Variants in ANKRD55 observed in about 807,000 individuals in gnomAD.
The protein encoded by ANKRD55 is ankyrin repeat domain 55.
Under a neutral mutation model 60.6 loss-of-function variants are expected in ANKRD55, and 41 were observed. The observed-to-expected ratio is 0.68, with a 90% CI of 0.53 to 0.88. The LOEUF is 0.88. ANKRD55 is among the 40% of genes least tolerant of loss of function. The pLI, the probability that ANKRD55 is intolerant of heterozygous loss-of-function variation, is 0.00. For synonymous variants in ANKRD55, 264 were observed against 290.3 expected, an observed-to-expected ratio of 0.91 and a Z score of 0.92; for missense variants, 732 against 767.6, an observed-to-expected ratio of 0.95 and a Z score of 0.55.
Position 56,134,336 on chromosome 5 carries a change from G to A in ANKRD55, c.613-7230C>T, listed in dbSNP as rs572362141. Among the ~76,000 whole-genome samples the A allele has an allele frequency of 3.5e-4, 40 of 115,088 alleles. 10 individuals carry two copies. The South Asian group carries it at 0.011, about 31-fold the overall frequency. 75.5% of individuals were successfully genotyped at this position (115,088 alleles called of 152,430 possible). ...CTTACGCCTGTTATCCCAGCACTTT[G>A]GGAGGCCGAGACAGGTGGATCACCT... On this transcript the variant is annotated intron_variant, in intron 7 of 11. Transcript: ENST00000341048.
chr5:56,148,720 T>C (rs543824987), intron 6 of ANKRD55, among the ~76,000 whole-genome samples: 4 of 152,060 alleles, frequency 2.6e-5, no homozygotes, highest in African/African-American at 9.6e-5. Flanking sequence ...GCTTAGCAGG[T>C]TTCATGTTTC....
intron 2 of ANKRD55, among the ~76,000 whole-genome samples, chr5:56,197,615 T>C (rs1035890486): frequency 2.0e-5 from 3 of 152,214 alleles, no homozygotes; most frequent in African/African-American, 7.2e-5. Context: ...TTTAGTATGG[T>C]TTTAAAACAT....
Position 56,111,252 on chromosome 5 carries a change from T to G in ANKRD55, c.1496A>C (p.Asn499Thr), listed in dbSNP as rs1215972833. 1 of 1,613,692 alleles carries G rather than the reference T, an allele frequency of 6.2e-7. No individual in the cohort carries two copies. The highest frequency in any genetic ancestry group is 8.5e-7 in the Non-Finnish European group (1 of 1,179,680). ...CCAAACTTTGTAGGAAAATACCTGA[T>G]TAGAATCACTCTTCCAGGGGTTATC... ...LLDNPWKSDS[N>T]QVFSYKVWTV... The change falls in exon 10 of 12, where the codon AAT becomes ACT. Residue 499 changes from asparagine (N) to threonine (T), a missense_variant. By Grantham distance (65) the Asn-to-Thr change is moderately conservative (BLOSUM62 0). Coordinates refer to ENST00000341048, the MANE Select transcript of ANKRD55 (RefSeq NM_024669.3).
At chr5:56,146,836 T>C (rs578235847) in intron 6 of ANKRD55, 1 of 152,356 alleles carries the variant, frequency 6.6e-6, no homozygotes, top group East Asian at 1.9e-4. Flanking sequence ...AGGGTGGTTC[T>C]GGCCATAGAC....
chr5:56,224,508 A>G (rs1048477075), intron 2 of ANKRD55, among the ~76,000 whole-genome samples: 1 of 152,186 alleles, frequency 6.6e-6, no homozygotes, highest in African/African-American at 2.4e-5. Flanking sequence ...TGAAGGAGAT[A>G]GAGACACAAA....
At chr5:56,137,125 A>G in intron 7 of ANKRD55, 2 of 1,256,178 alleles carry the variant, frequency 1.6e-6, no homozygotes, top group East Asian at 4.6e-5. Context: ...TATCTGAAAG[A>G]TGTCACTTTA....
chr5:56,151,890 T>G lies in ANKRD55; in HGVS notation c.483+7943A>C, dbSNP rs1027710452. Among the ~76,000 whole-genome samples the G allele has an allele frequency of 2.7e-5, 4 of 149,166 alleles. No homozygotes were observed. The East Asian group carries it at 7.8e-4, about 29-fold the overall frequency. ...ATACGTGTGTATATATACATATACA[T>G]ACACACGTATATGTGTGTATATACA... On this transcript the variant is annotated intron_variant, in intron 6 of 11. Transcript: ENST00000341048.
intron 6 of ANKRD55, among the ~76,000 whole-genome samples, chr5:56,149,164 G>A (rs977857073): frequency 1.3e-5 from 2 of 152,086 alleles, no homozygotes; most frequent in Admixed American, 6.6e-5. Context: ...ACATCAGAAA[G>A]CTTAGTAAAT....
At chr5:56,169,145 T>C (rs1758550370) in intron 5 of ANKRD55, among the ~76,000 whole-genome samples, 1 of 152,172 alleles carries the variant, frequency 6.6e-6, no homozygotes. Flanking sequence ...GTGTGAGCCA[T>C]GGCACCTGGC....
intron 4 of ANKRD55, among the ~76,000 whole-genome samples, chr5:56,171,273 G>A (rs1758607097): frequency 6.6e-6 from 1 of 152,114 alleles, no homozygotes; most frequent in Non-Finnish European, 1.5e-5. Context: ...TGATCTTTCT[G>A]ATGCTGAAAG....
intron 7 of ANKRD55, among the ~76,000 whole-genome samples, chr5:56,139,160 C>T (rs551343935): frequency 6.6e-6 from 1 of 152,170 alleles, no homozygotes; most frequent in African/African-American, 2.4e-5. Flanking sequence ...CTTAAAACTG[C>T]TCTAGAAAAC....
At chr5:56,192,337 T>G (rs1438560564) in intron 2 of ANKRD55, among the ~76,000 whole-genome samples, 3 of 152,242 alleles carry the variant, frequency 2.0e-5, no homozygotes, top group African/African-American at 4.8e-5. Flanking sequence ...AAGAAGCATG[T>G]GAAGACACGC....
intron 2 of ANKRD55, among the ~76,000 whole-genome samples, chr5:56,228,926 G>C (rs1760181300): frequency 6.6e-6 from 1 of 152,206 alleles, no homozygotes; most frequent in Admixed American, 6.5e-5. Flanking sequence ...GTGCAAGAGG[G>C]TGGACCACAG....
intron 2 of ANKRD55, chr5:56,192,915 C>A: frequency 3.2e-6 from 2 of 633,186 alleles, no homozygotes; most frequent in South Asian, 3.6e-5. Context: ...TTTATGAGTT[C>A]AGAAGAAAAT....
chr5:56,111,118 C>T lies in ANKRD55; in HGVS notation c.1630G>A (p.Gly544Arg). The T allele has an allele frequency of 6.2e-7, 1 of 1,611,456 alleles. No individual in the cohort carries two copies. The change falls in exon 10 of 12, where the codon GGA becomes AGA. Residue 544 changes from glycine (G) to arginine (R), a missense_variant and splice_region_variant. Physicochemically the swap from Gly to Arg is moderately radical, Grantham distance 125 (BLOSUM62 -2). Around this residue, in one of 3 missense-constraint regions of ANKRD55, gnomAD observed 597 missense variants for 607.5 expected, o/e 0.98. Coordinates refer to ENST00000341048, the MANE Select transcript of ANKRD55 (RefSeq NM_024669.3). Reference sequence around the variant, plus strand: ...ATGAACATGAAATCAAGGACATTACCTGATGATGGATTATGTAGATGGCGA... The same window carrying T: ...ATGAACATGAAATCAAGGACATTACTTGATGATGGATTATGTAGATGGCGA... ...HLRHLHNPSS[G>R]QNFQHLSPNR...
intron 6 of ANKRD55, among the ~76,000 whole-genome samples, chr5:56,146,084 T>C (rs988165509): frequency 3.9e-4 from 60 of 152,156 alleles, no homozygotes; most frequent in African/African-American, 1.4e-3. Flanking sequence ...CCCATTTGCT[T>C]CATTGCAAAT....
intron 7 of ANKRD55, among the ~76,000 whole-genome samples, chr5:56,139,301 A>G (rs150871931): frequency 3.9e-4 from 59 of 152,304 alleles, no homozygotes; most frequent in Non-Finnish European, 6.2e-4. Flanking sequence ...CCTACGGTTC[A>G]CAAAGCTCTG....
rs368756790 is a variant in ANKRD55, at chr5:56,173,693, C to T, written c.312+2459G>A. On this transcript the variant is annotated intron_variant, in intron 4 of 11. Transcript: ENST00000341048. ...CCGAGTACCTGGAATTACAGGCATGCGCCACCACGCCCGACTAATTTTGTA... is the reference window on the plus strand; with the variant it reads ...CCGAGTACCTGGAATTACAGGCATGTGCCACCACGCCCGACTAATTTTGTA... Among the ~76,000 whole-genome samples the T allele has an allele frequency of 1.8e-4, 27 of 150,064 alleles. No individual in the cohort carries two copies. In the East Asian group the frequency reaches 2.8e-3, roughly 15 times the overall value.
At chr5:56,105,673 C>CG (rs1756439328) in intron 10 of ANKRD55, among the ~76,000 whole-genome samples, 1 of 152,118 alleles carries the variant, frequency 6.6e-6, no homozygotes, top group African/African-American at 2.4e-5. Context: ...ATGACCATGC[C>CG]GTGAGGTCTG....
Sources: gnomAD v4.1 joint callset for allele counts (sites outside exome capture counted in the v4.1 genomes callset) on GRCh38, gnomAD v4.1.1 for gene constraint, gnomAD v4.1.1 regional missense constraint, MANE v1.5 for transcripts, NCBI Gene and HGNC (gene_info 2026-07-23, HGNC 2026-07-21) for gene names.